TXNDC16: variants seen among roughly 807,000 people sequenced by gnomAD.
The protein encoded by TXNDC16 is thioredoxin domain-containing protein 16.
In TXNDC16, 74 loss-of-function variants were observed where a neutral mutation model predicts 85.6. The ratio of observed to expected loss-of-function variants is 0.86; its 90% CI spans 0.72 to 1.05. The LOEUF (loss-of-function observed/expected upper bound fraction) is 1.05. Among genes scored for constraint, TXNDC16 ranks in the 50% least tolerant of loss-of-function variants. The pLI is 0.00. For missense variants in TXNDC16, 959 were observed against 947.0 expected, an observed-to-expected ratio of 1.01 and a Z score of -0.17; for synonymous variants, 335 against 326.5, an observed-to-expected ratio of 1.03 and a Z score of -0.28.
chr14:52,521,668 T>C (rs553185342), intron 6 of TXNDC16, among the ~76,000 whole-genome samples: 1 of 152,362 alleles, frequency 6.6e-6, no homozygotes, highest in African/African-American at 2.4e-5. Context: ...TACCCATTCA[T>C]TACAGATTTC....
intron 7 of TXNDC16, among the ~76,000 whole-genome samples, chr14:52,515,705 G>T: frequency 7.2e-6 from 1 of 137,956 alleles, no homozygotes; most frequent in African/African-American, 2.8e-5. Context: ...GTGTGTGTGT[G>T]TGTGTATCAT....
intron 9 of TXNDC16, among the ~76,000 whole-genome samples, chr14:52,492,969 T>C (rs1594725605): frequency 6.6e-6 from 1 of 152,082 alleles, no homozygotes; most frequent in African/African-American, 2.4e-5. Context: ...ATTGTGATAG[T>C]AAGAAACTAA....
chr14:52,488,365 A>C lies in TXNDC16; in HGVS notation c.1106T>G (p.Ile369Arg), dbSNP rs756346189. Residue 369 changes from isoleucine (I) to arginine (R), a missense_variant and splice_region_variant, in exon 12 of 21, where the codon ATA (isoleucine) becomes AGA (arginine). Transcript: ENST00000281741. The stretch of plus-strand genomic sequence containing the variant: ...GGGTGAGAATCATAACACATTACCT[A>C]TATCTGGACCTTCCATGTCATTGTC... ...DEDNDMEGPD[I>R]DVQDDEVAET... is the part of the protein sequence containing the mutation. 1 of 1,613,322 alleles carries C rather than the reference A, an allele frequency of 6.2e-7. No individual in the cohort carries two copies. Among genetic ancestry groups the C allele is most frequent in the Admixed American group, 1.7e-5 (1 of 59,946 alleles).
chr14:52,503,951 A>C (rs932073067), intron 9 of TXNDC16, among the ~76,000 whole-genome samples: 3 of 152,220 alleles, frequency 2.0e-5, no homozygotes, highest in African/African-American at 7.2e-5. Context: ...TAGCTGACTC[A>C]ATCAACTGGA....
At chr14:52,464,396 C>T (rs2035723723) in intron 16 of TXNDC16, among the ~76,000 whole-genome samples, 1 of 152,072 alleles carries the variant, frequency 6.6e-6, no homozygotes, top group Admixed American at 6.6e-5. Flanking sequence ...TGAGTTTTTA[C>T]ACTGTTTTCA....
At position 52,440,618 on chromosome 14, in the gene TXNDC16, A is replaced by G; in HGVS notation, c.1949T>C (p.Leu650Ser). The G allele has an allele frequency of 1.9e-6, 3 of 1,610,224 alleles. No homozygotes were observed. The highest frequency in any genetic ancestry group is 2.5e-6 in the Non-Finnish European group (3 of 1,178,906). Residue 650 changes from leucine to serine, a missense_variant, in exon 19 of 21, where the codon TTG becomes TCG. Leu to Ser is a moderately radical substitution (Grantham distance 145, BLOSUM62 -2). Transcript: ENST00000281741. Reference sequence around the variant, plus strand: ...CAAGTATTTCTGCTTTACCAGTGTCAATATTGCTTTTTTATACTGAGGATT... The same window carrying G: ...CAAGTATTTCTGCTTTACCAGTGTCGATATTGCTTTTTTATACTGAGGATT... Reference protein sequence around the residue: ...TVNPQYKKAILTLVKQKYLDS... With the variant: ...TVNPQYKKAISTLVKQKYLDS...
At chr14:52,493,216 T>TATATATATATATATATATATAAC in intron 9 of TXNDC16, among the ~76,000 whole-genome samples, 2 of 115,940 alleles carry the variant, frequency 1.7e-5, no homozygotes, top group Non-Finnish European at 3.5e-5. Flanking sequence ...TATATATATA[T>TATATATATATATATATATATAAC]ACACACACAC....
intron 6 of TXNDC16, among the ~76,000 whole-genome samples, chr14:52,531,299 C>G (rs1274291347): frequency 6.6e-6 from 1 of 152,050 alleles, no homozygotes; most frequent in Non-Finnish European, 1.5e-5. Context: ...CCATACAGTC[C>G]AGCAATCACA....
intron 12 of TXNDC16, among the ~76,000 whole-genome samples, chr14:52,485,512 ACACT>A (rs1487696345): frequency 2.0e-5 from 3 of 152,218 alleles, no homozygotes; most frequent in African/African-American, 7.2e-5. Context: ...CTAGGCCTTT[ACACT>A]CACTCACTGA....
chr14:52,545,913 A>T (rs1014056642), intron 1 of TXNDC16, among the ~76,000 whole-genome samples: 9 of 152,206 alleles, frequency 5.9e-5, no homozygotes, highest in Non-Finnish European at 1.3e-4. Flanking sequence ...GCAAGAGCAG[A>T]GTGAAAACAA....
intron 18 of TXNDC16, among the ~76,000 whole-genome samples, chr14:52,442,360 C>T (rs56125568): frequency 0.026 from 3,888 of 152,258 alleles, 76 homozygotes; most frequent in Non-Finnish European, 0.043. Context: ...GTCACCACGG[C>T]TAAGCAGGGG....
At chr14:52,500,406 A>T (rs1033701067) in intron 9 of TXNDC16, among the ~76,000 whole-genome samples, 1 of 152,206 alleles carries the variant, frequency 6.6e-6, no homozygotes, top group African/African-American at 2.4e-5. Context: ...ACAGTAATCA[A>T]ACTCATACGA....
intron 12 of TXNDC16, among the ~76,000 whole-genome samples, chr14:52,487,358 C>T (rs2036294159): frequency 6.6e-6 from 1 of 152,136 alleles, no homozygotes; most frequent in Non-Finnish European, 1.5e-5. Context: ...GATCACAATG[C>T]ATGGACCTCA....
chr14:52,510,614 C>T (rs148561938), intron 9 of TXNDC16, among the ~76,000 whole-genome samples: 75 of 152,268 alleles, frequency 4.9e-4, no homozygotes, highest in Non-Finnish European at 7.8e-4. Flanking sequence ...TACTTGGCTG[C>T]AATGTTTGGA....
intron 20 of TXNDC16, among the ~76,000 whole-genome samples, chr14:52,434,259 A>G (rs1045603796): frequency 1.3e-5 from 2 of 152,208 alleles, no homozygotes; most frequent in African/African-American, 2.4e-5. Flanking sequence ...GTTATTTTTT[A>G]AGGTCAACAC....
chr14:52,542,309 T>G, intron 4 of TXNDC16, 62 bp downstream of exon 4: 2 of 1,098,440 alleles, frequency 1.8e-6, no homozygotes, highest in Non-Finnish European at 2.7e-6. Context: ...ATATTCAATC[T>G]TAAGCCATAA....
At chr14:52,442,328 A>C (rs1464334855) in intron 18 of TXNDC16, among the ~76,000 whole-genome samples, 1 of 152,172 alleles carries the variant, frequency 6.6e-6, no homozygotes, top group African/African-American at 2.4e-5. Flanking sequence ...GGGGAAGCCA[A>C]CACAGAGACT....
At chr14:52,524,442 G>A (rs1437609012) in intron 6 of TXNDC16, among the ~76,000 whole-genome samples, 1 of 152,006 alleles carries the variant, frequency 6.6e-6, no homozygotes, top group Non-Finnish European at 1.5e-5. Context: ...GTTTCTTACT[G>A]GATTATCTTT....
At chr14:52,475,321 C>G (rs1256131192) in intron 14 of TXNDC16, among the ~76,000 whole-genome samples, 1 of 152,084 alleles carries the variant, frequency 6.6e-6, no homozygotes, top group Non-Finnish European at 1.5e-5. Flanking sequence ...GTCTCCTGGC[C>G]AGAACTCGGG....
Sources: gnomAD v4.1 joint callset for allele counts (sites outside exome capture counted in the v4.1 genomes callset) on GRCh38, gnomAD v4.1.1 for gene constraint, MANE v1.5 for transcripts, NCBI Gene and HGNC (gene_info 2026-07-23, HGNC 2026-07-21) for gene names.